Variants in KIF13A observed in about 807,000 individuals in gnomAD.
KIF13A encodes kinesin family member 13A, also known as kinesin-like protein KIF13A.
KIF13A carries 79 observed loss-of-function variants against 212.2 expected under a neutral mutation model. That is an observed-to-expected ratio of 0.37 (90% CI 0.31 to 0.45). The LOEUF (loss-of-function observed/expected upper bound fraction) is 0.45, where lower values mean the gene tolerates loss of function less well. KIF13A is among the 20% of genes least tolerant of loss of function. The probability of loss-of-function intolerance (pLI) is 1.00; values close to 1 mark genes in which losing one functional copy is unlikely to be tolerated. For synonymous variants in KIF13A, 789 were observed against 808.6 expected, an observed-to-expected ratio of 0.98 and a Z score of 0.41; for missense variants, 1,901 against 2,209.0, an observed-to-expected ratio of 0.86 and a Z score of 2.79.
intron 18 of KIF13A, 132 bp downstream of exon 18, chr6:17,808,636 C>G: frequency 1.3e-6 from 1 of 790,052 alleles, no homozygotes; most frequent in Non-Finnish European, 1.9e-6. Context: ...TAAAGAATGT[C>G]TTGAAAAAAA....
At chr6:17,800,444 T>A (rs1357842025) in intron 20 of KIF13A, among the ~76,000 whole-genome samples, 1 of 151,134 alleles carries the variant, frequency 6.6e-6, no homozygotes, top group African/African-American at 2.4e-5. Context: ...CATGTTTTGT[T>A]TTGTTTTTCC....
chr6:17,936,169 A>G (rs1008615984), intron 2 of KIF13A, among the ~76,000 whole-genome samples: 1 of 152,162 alleles, frequency 6.6e-6, no homozygotes, highest in African/African-American at 2.4e-5. Context: ...ATTTTTTGAG[A>G]CGGTGTCTTA....
chr6:17,782,230 C>T (rs750024546), intron 29 of KIF13A, among the ~76,000 whole-genome samples: 6 of 152,212 alleles, frequency 3.9e-5, no homozygotes, highest in East Asian at 1.9e-4. Context: ...CCAACATACC[C>T]GGCTGCTTTT....
In KIF13A at chr6:17,769,475, G is replaced by C. The variant is rs1191653659; in HGVS notation, c.4581+1639C>G. On this transcript the variant is annotated intron_variant, in intron 38 of 38. Transcript: ENST00000259711. This position sits in a 1 kb window ranked among gnomAD's most constrained non-coding sequence, Gnocchi z 5.8. Reference sequence around the variant, plus strand: ...TGCTGCTTGAGACTTCCTGGGTCAAGAGAATCTGGTTCCATCCTTCTCTCT... The same window carrying C: ...TGCTGCTTGAGACTTCCTGGGTCAACAGAATCTGGTTCCATCCTTCTCTCT... Among the ~76,000 whole-genome samples, 1 of 152,158 alleles carries C rather than the reference G, an allele frequency of 6.6e-6. No individual in the cohort carries two copies.
At chr6:17,980,523 G>A (rs552821525) in intron 2 of KIF13A, among the ~76,000 whole-genome samples, 68 of 152,204 alleles carry the variant, frequency 4.5e-4, no homozygotes, top group African/African-American at 1.5e-3. Flanking sequence ...AACAGAACAC[G>A]TAAGAAGGGC....
chr6:17,778,050 A>G (rs906080395), intron 33 of KIF13A, among the ~76,000 whole-genome samples: 31 of 152,242 alleles, frequency 2.0e-4, no homozygotes, highest in Non-Finnish European at 5.9e-5. Flanking sequence ...AGGCACTACA[A>G]TTGCTTGAAC....
intron 9 of KIF13A, among the ~76,000 whole-genome samples, chr6:17,840,904 A>G (rs1382116159): frequency 2.0e-5 from 3 of 152,026 alleles, no homozygotes; most frequent in South Asian, 2.1e-4. Context: ...GGACATTTCC[A>G]TTTGTAGAGG....
At chr6:17,930,823 A>G (rs1221528937) in intron 2 of KIF13A, among the ~76,000 whole-genome samples, 1 of 152,210 alleles carries the variant, frequency 6.6e-6, no homozygotes, top group East Asian at 1.9e-4. Context: ...GAAAATCCAA[A>G]CTGTTTACAG....
chr6:17,831,791 T>C (rs1009360259), intron 12 of KIF13A, among the ~76,000 whole-genome samples: 2 of 149,238 alleles, frequency 1.3e-5, no homozygotes, highest in African/African-American at 5.0e-5. Flanking sequence ...GAAGAGAAGG[T>C]TGGGTCTCTA....
intron 2 of KIF13A, among the ~76,000 whole-genome samples, chr6:17,941,073 C>T (rs1776923856): frequency 6.6e-6 from 1 of 152,146 alleles, no homozygotes; most frequent in African/African-American, 2.4e-5. Flanking sequence ...GATCCGCCTG[C>T]CTGGGCCTCC....
At chr6:17,862,922 C>T (rs1263302695) in intron 4 of KIF13A, among the ~76,000 whole-genome samples, 1 of 152,044 alleles carries the variant, frequency 6.6e-6, no homozygotes, top group Non-Finnish European at 1.5e-5. Flanking sequence ...CACTCCAGCT[C>T]AGGCGACAGA....
At chr6:17,920,867 A>C (rs6459578) in intron 2 of KIF13A, among the ~76,000 whole-genome samples, 1 of 148,468 alleles carries the variant, frequency 6.7e-6, no homozygotes, top group Non-Finnish European at 1.5e-5. Context: ...GGGCAGGACT[A>C]TGTCTCAAAA....
chr6:17,981,581 G>A (rs547796599), intron 2 of KIF13A, among the ~76,000 whole-genome samples: 20 of 151,660 alleles, frequency 1.3e-4, no homozygotes, highest in African/African-American at 2.9e-4. Context: ...ACACCACCAC[G>A]CCAGGCTAAT....
At chr6:17,927,412 G>C (rs1775579901) in intron 2 of KIF13A, among the ~76,000 whole-genome samples, 1 of 152,088 alleles carries the variant, frequency 6.6e-6, no homozygotes, top group Non-Finnish European at 1.5e-5. Context: ...GACACAAAAG[G>C]ATAAACACTG....
At chr6:17,819,117 G>A (rs371444515) in intron 16 of KIF13A, among the ~76,000 whole-genome samples, 1 of 149,988 alleles carries the variant, frequency 6.7e-6, no homozygotes, top group African/African-American at 2.5e-5. Flanking sequence ...CTCCTGCCTC[G>A]GCCTCCCCAG....
intron 20 of KIF13A, among the ~76,000 whole-genome samples, chr6:17,803,996 CA>C (rs2040004601): frequency 6.6e-6 from 1 of 152,072 alleles, no homozygotes; most frequent in African/African-American, 2.4e-5. Context: ...ACTAAAAATA[CA>C]AAAAATTAGC....
intron 2 of KIF13A, among the ~76,000 whole-genome samples, chr6:17,921,970 A>C (rs549335189): frequency 6.6e-5 from 10 of 152,220 alleles, no homozygotes; most frequent in Non-Finnish European, 1.3e-4. Context: ...TTAAGCTTTT[A>C]AATCAGGTAA....
chr6:17,944,676 C>T (rs533095058), intron 2 of KIF13A, among the ~76,000 whole-genome samples: 8 of 152,224 alleles, frequency 5.3e-5, no homozygotes, highest in South Asian at 2.1e-4. Flanking sequence ...GAAATTCCAG[C>T]TCAATTTCAC....
intron 2 of KIF13A, among the ~76,000 whole-genome samples, chr6:17,952,299 G>T (rs926536833): frequency 1.2e-5 from 1 of 84,352 alleles, no homozygotes; most frequent in African/African-American, 4.8e-5. Context: ...GCGAGACTCC[G>T]TCTCAAAAAA....
Sources: allele counts gnomAD v4.1 joint callset (sites outside exome capture counted in the v4.1 genomes callset), GRCh38; gene constraint gnomAD v4.1.1; non-coding constraint Gnocchi (gnomAD v3.1); transcripts MANE v1.5; gene names NCBI Gene and HGNC (gene_info 2026-07-23, HGNC 2026-07-21).